The following TATDN2 variants were observed in gnomAD, a reference collection of about 807,000 sequenced individuals.
The protein encoded by TATDN2 is TatD DNase domain containing 2.
TATDN2 carries 44 observed loss-of-function variants against 60.3 expected under a neutral mutation model. The ratio of observed to expected loss-of-function variants is 0.73; its 90% CI spans 0.57 to 0.94. TATDN2 has a LOEUF of 0.94. TATDN2 is among the 40% of genes least tolerant of loss of function. The pLI is 0.00. For synonymous variants in TATDN2, 399 were observed against 355.8 expected, an observed-to-expected ratio of 1.12 and a Z score of -1.37; for missense variants, 997 against 948.0, an observed-to-expected ratio of 1.05 and a Z score of -0.68.
intron 4 of TATDN2, 85 bp from the exon 5 acceptor site, chr3:10,276,276 G>C: frequency 6.6e-7 from 1 of 1,510,508 alleles, no homozygotes; most frequent in South Asian, 1.2e-5. Flanking sequence ...GACACAGGGG[G>C]TGCCTGCTGG....
chr3:10,278,979 C>G lies in TATDN2; in HGVS notation c.2240C>G (p.Thr747Ser). The G allele has an allele frequency of 1.2e-6, 2 of 1,614,236 alleles. No individual in the cohort carries two copies. Among genetic ancestry groups the G allele is most frequent in the Non-Finnish European group, 1.7e-6 (2 of 1,180,036 alleles). Residue 747 changes from threonine to serine, a missense_variant, in exon 7 of 8, where the codon ACC becomes AGC. By Grantham distance (58) the Thr-to-Ser change is moderately conservative. Transcript: ENST00000448281. This position sits in a 1 kb window ranked among gnomAD's most constrained non-coding sequence, Gnocchi z 4.7. ...GTCAAAGATCAGCCACTCTCCCTCA[C>G]CTTGGCTGCCTTGCGTGAGAACACC... ...ARVKDQPLSLTLAALRENTSR... is the reference protein window; with the variant it reads ...ARVKDQPLSLSLAALRENTSR...
Position 10,278,733 on chromosome 3 carries a change from A to G in TATDN2, c.2146-152A>G, listed in dbSNP as rs1270477016. The G allele has an allele frequency of 3.2e-6, 4 of 1,238,638 alleles. No homozygotes were observed. Among genetic ancestry groups the G allele is most frequent in the Non-Finnish European group, 2.3e-6 (2 of 871,226 alleles). The allele number at this position is 1,238,638 out of a possible 1,614,324, so 76.7% of individuals were successfully genotyped here. On this transcript the variant is annotated intron_variant, in intron 6 of 7. Coordinates refer to ENST00000448281, the MANE Select transcript of TATDN2 (RefSeq NM_014760.4). This position sits in a 1 kb window ranked among gnomAD's most constrained non-coding sequence, Gnocchi z 4.7. ...GGGACCCTGCTCACCCAGAGCCCCCATGACTAGGACTCTCCCTGCACCTGC... is the reference window on the plus strand; with the variant it reads ...GGGACCCTGCTCACCCAGAGCCCCCGTGACTAGGACTCTCCCTGCACCTGC...
chr3:10,275,638 C>T (rs556256607), intron 4 of TATDN2, among the ~76,000 whole-genome samples: 4 of 151,896 alleles, frequency 2.6e-5, no homozygotes, highest in Non-Finnish European at 4.4e-5. Context: ...ACCAGCTACG[C>T]GGGAGGCTGA....
intron 5 of TATDN2, among the ~76,000 whole-genome samples, chr3:10,276,808 C>T (rs952040861): frequency 2.0e-5 from 3 of 152,168 alleles, no homozygotes; most frequent in South Asian, 2.1e-4. Flanking sequence ...AGGCTGGTCC[C>T]GAACTCCTGA....
chr3:10,266,660 C>T (rs1698478587), intron 3 of TATDN2, among the ~76,000 whole-genome samples: 1 of 152,162 alleles, frequency 6.6e-6, no homozygotes, highest in African/African-American at 2.4e-5. Flanking sequence ...TGAAAATGGC[C>T]ATAGACAACG....
rs894656171 is a variant in TATDN2, at chr3:10,279,297, T to C, written c.*115T>C. ...GTCGAGGATGTGTTTAGAGAGCTGATTGGAACACAGAAAACCAGGACAGGA... is the reference window on the plus strand; with the variant it reads ...GTCGAGGATGTGTTTAGAGAGCTGACTGGAACACAGAAAACCAGGACAGGA... On this transcript the variant is annotated 3_prime_UTR_variant, in exon 8 of 8. Transcript: ENST00000448281. 8.6e-6 allele frequency: 3 copies of C among 350,424 alleles called. No homozygotes were observed. The highest frequency in any genetic ancestry group is 4.4e-5 in the African/African-American group (2 of 45,782). The allele number at this position is 350,424 out of a possible 1,614,324, so 21.7% of individuals were successfully genotyped here. A position where few individuals can be genotyped will look rare whatever the true frequency, so the allele number is the denominator to read the frequency against.
At chr3:10,269,990 C>A in intron 3 of TATDN2, 141 bp from the exon 4 acceptor site, 2 of 1,065,622 alleles carry the variant, frequency 1.9e-6, no homozygotes, top group Non-Finnish European at 2.7e-6. Context: ...AACCAGGTGA[C>A]AGGGTGAGCT....
chr3:10,251,573 A>T (rs1281005645), intron 2 of TATDN2, among the ~76,000 whole-genome samples: 1 of 151,786 alleles, frequency 6.6e-6, no homozygotes. Flanking sequence ...TTTAGTGGAG[A>T]TGGGGTTTCG....
intron 3 of TATDN2, among the ~76,000 whole-genome samples, chr3:10,269,700 GA>G (rs897067207): frequency 6.6e-6 from 1 of 150,542 alleles, no homozygotes; most frequent in Non-Finnish European, 1.5e-5. Context: ...GACCCTGTCT[GA>G]AAAAAAAATA....
At position 10,271,948 on chromosome 3, in the gene TATDN2, C is replaced by G. The variant is rs533802120; in HGVS notation, c.1833+933C>G. Among the ~76,000 whole-genome samples the G allele has an allele frequency of 4.3e-3, 653 of 150,556 alleles. 3 individuals carry two copies. The highest frequency in any genetic ancestry group is 0.018 in the Middle Eastern group (5 of 272). On this transcript the variant is annotated intron_variant, in intron 4 of 7. Transcript: ENST00000448281. ...TTCACCATGTTTGTTAGACTAGTCT[C>G]GAGCTCCTGACCTCAAGTAATCCAC...
chr3:10,264,649 A>C (rs1698451727), intron 3 of TATDN2, among the ~76,000 whole-genome samples: 1 of 149,806 alleles, frequency 6.7e-6, no homozygotes, highest in South Asian at 2.1e-4. Flanking sequence ...CCTTTTTAAA[A>C]AATTTTTCTG....
chr3:10,278,288 C>T lies in TATDN2; in HGVS notation c.1971C>T (p.Phe657=), dbSNP rs766808250. 1 of 1,613,590 alleles carries T rather than the reference C, an allele frequency of 6.2e-7. No homozygotes were observed. The highest frequency in any genetic ancestry group is 1.7e-5 in the Admixed American group (1 of 59,968). The change falls in exon 6 of 8, where the codon TTC becomes TTT. Residue 657 remains phenylalanine (F), a synonymous_variant. Coordinates refer to ENST00000448281, the MANE Select transcript of TATDN2 (RefSeq NM_014760.4). The surrounding 1 kb of genome is among the most constrained non-coding windows in gnomAD (Gnocchi z 4.7). ...PPDYKIHRHC[F]TGSYPVIEPL... is the part of the protein sequence containing the mutation. ...GGAGTTCTGTCTCCAGGCATTGCTT[C>T]ACCGGCAGCTACCCGGTCATTGAGC...
At chr3:10,257,445 A>G (rs1439735576) in intron 2 of TATDN2, among the ~76,000 whole-genome samples, 3 of 151,184 alleles carry the variant, frequency 2.0e-5, no homozygotes, top group Non-Finnish European at 4.4e-5. Flanking sequence ...AGCCTGGCCA[A>G]CATGGCGAAA....
intron 3 of TATDN2, among the ~76,000 whole-genome samples, chr3:10,265,358 T>C (rs1387226860): frequency 4.8e-5 from 7 of 146,726 alleles, no homozygotes; most frequent in South Asian, 4.4e-4. Context: ...ATTACAGGCA[T>C]GAGCTACCAC....
At chr3:10,274,002 C>T (rs1019937452) in intron 4 of TATDN2, among the ~76,000 whole-genome samples, 5 of 152,088 alleles carry the variant, frequency 3.3e-5, no homozygotes, top group Non-Finnish European at 7.4e-5. Context: ...GCAAGAGATG[C>T]CTGGGGCAAC....
intron 3 of TATDN2, among the ~76,000 whole-genome samples, chr3:10,262,220 G>A (rs750999934): frequency 3.3e-5 from 5 of 152,076 alleles, no homozygotes; most frequent in Non-Finnish European, 7.4e-5. Flanking sequence ...ACTGCCTGCC[G>A]TCAGGCCAGC....
Position 10,270,229 on chromosome 3 carries a change from T to G in TATDN2, c.1047T>G (p.Pro349=). 4 of 1,614,244 alleles carry G rather than the reference T, an allele frequency of 2.5e-6. No individual in the cohort carries two copies. The South Asian group carries it at 4.4e-5, about 18-fold the overall frequency. The change falls in exon 4 of 8, where the codon CCT becomes CCG. Residue 349 remains proline, a synonymous_variant. Transcript: ENST00000448281. The part of the protein sequence containing the change: ...ISTVRFSQEE[P]VSLKPSAVPE... ...CAGTCAGATTCTCTCAGGAGGAACCTGTCTCCCTGAAACCTTCAGCCGTTC... is the reference window on the plus strand; with the variant it reads ...CAGTCAGATTCTCTCAGGAGGAACCGGTCTCCCTGAAACCTTCAGCCGTTC...
intron 3 of TATDN2, among the ~76,000 whole-genome samples, chr3:10,262,757 A>G (rs1480224230): frequency 6.6e-6 from 1 of 150,862 alleles, no homozygotes; most frequent in African/African-American, 2.4e-5. Context: ...CTGGTCTCAA[A>G]CTTCTGACCT....
rs753480202 is a variant in TATDN2 at position 10,276,439 on chromosome 3, C to T, written c.1912C>T (p.Leu638=). The T allele has an allele frequency of 6.2e-7, 1 of 1,614,028 alleles. No individual in the cohort carries two copies. Among genetic ancestry groups the T allele is most frequent in the Non-Finnish European group, 8.5e-7 (1 of 1,179,976 alleles). ...VIHCREADED[L]LEIMKKFVPP... is the part of the protein sequence containing the mutation. ...CCACTGCCGAGAAGCTGATGAAGAT[C>T]TGCTAGAAATCATGAAAAAGTTTGT... Residue 638 remains leucine (L), a synonymous_variant, in exon 5 of 8, where the codon CTG becomes TTG. Transcript: ENST00000448281.
Sources: gnomAD v4.1 joint callset for allele counts (sites outside exome capture counted in the v4.1 genomes callset) on GRCh38, gnomAD v4.1.1 for gene constraint, Gnocchi (gnomAD v3.1) non-coding constraint, MANE v1.5 for transcripts, NCBI Gene and HGNC (gene_info 2026-07-23, HGNC 2026-07-21) for gene names.